FSTL4: variants seen among roughly 807,000 people sequenced by gnomAD.
The protein encoded by FSTL4 is follistatin-related protein 4.
FSTL4 carries 28 observed loss-of-function variants against 78.2 expected under a neutral mutation model. The observed-to-expected ratio is 0.36, with a 90% CI of 0.27 to 0.49. FSTL4 has a LOEUF of 0.49. Ranked by LOEUF, FSTL4 falls within the 20% of genes least tolerant of loss-of-function variation. The probability of loss-of-function intolerance (pLI) is 0.98; values close to 1 mark genes in which losing one functional copy is unlikely to be tolerated. For synonymous variants in FSTL4, 422 were observed against 440.5 expected, an observed-to-expected ratio of 0.96 and a Z score of 0.53; for missense variants, 922 against 1,084.9, an observed-to-expected ratio of 0.85 and a Z score of 2.11.
At chr5:133,606,723 T>A (rs1760986118) in intron 1 of FSTL4, among the ~76,000 whole-genome samples, 1 of 152,198 alleles carries the variant, frequency 6.6e-6, no homozygotes. Context: ...AGCAAGATAA[T>A]CCAAATCTAT....
At chr5:133,632,169 T>C in the FSTL4 span, among the ~76,000 whole-genome samples, 1 of 152,184 alleles carries the variant, frequency 6.6e-6, no homozygotes, top group African/African-American at 2.4e-5. Context: ...TTATATCATA[T>C]ATACATAACA....
intron 2 of FSTL4, among the ~76,000 whole-genome samples, chr5:133,603,387 G>C (rs1760910220): frequency 6.6e-6 from 1 of 152,252 alleles, no homozygotes. Context: ...GTTCATTAAA[G>C]CACTCTCCCT....
chr5:133,604,140 A>G lies in FSTL4; in HGVS notation c.-10-147T>C, dbSNP rs554625968. The G allele has an allele frequency of 4.8e-5, 29 of 607,028 alleles. No individual in the cohort carries two copies. In the South Asian group the frequency reaches 5.9e-4, roughly 12 times the overall value. 37.6% of individuals were successfully genotyped at this position (607,028 alleles called of 1,614,324 possible). A position where few individuals can be genotyped will look rare whatever the true frequency, so the allele number is the denominator to read the frequency against. On this transcript the variant is annotated intron_variant, in intron 1 of 15. Coordinates refer to ENST00000265342, the MANE Select transcript of FSTL4 (RefSeq NM_015082.2). The stretch of plus-strand genomic sequence containing the variant: ...TTCTGTTCTACCTTGGAGAGGTTAT[A>G]TTACTTCTGAGCCTTAGTTTACTTA...
intron 3 of FSTL4, among the ~76,000 whole-genome samples, chr5:133,538,101 A>AT (rs983414480): frequency 2.0e-5 from 3 of 146,638 alleles, no homozygotes; most frequent in African/African-American, 7.7e-5. Context: ...AATTATCCCA[A>AT]TAATGTCTTT....
chr5:133,839,696 C>G, the FSTL4 span, among the ~76,000 whole-genome samples: 1 of 152,202 alleles, frequency 6.6e-6, no homozygotes. Context: ...CTCAAATTGC[C>G]TTATGGGAGC....
At chr5:133,696,835 T>C in the FSTL4 span, among the ~76,000 whole-genome samples, 2 of 152,150 alleles carry the variant, frequency 1.3e-5, no homozygotes, top group Non-Finnish European at 2.9e-5. Flanking sequence ...CTTGTGTAGA[T>C]AGGGGTCTGA....
chr5:133,652,170 T>C, the FSTL4 span, among the ~76,000 whole-genome samples: 1 of 152,162 alleles, frequency 6.6e-6, no homozygotes, highest in Non-Finnish European at 1.5e-5. Flanking sequence ...TAGAGGCTTA[T>C]CACTTTCATT....
chr5:133,794,377 A>C, the FSTL4 span, among the ~76,000 whole-genome samples: 61 of 152,340 alleles, frequency 4.0e-4, no homozygotes, highest in African/African-American at 1.4e-3. Context: ...TCCCCAGGAA[A>C]TCAGCTCATT....
At chr5:133,437,689 C>T (rs1457605136) in intron 3 of FSTL4, among the ~76,000 whole-genome samples, 1 of 151,660 alleles carries the variant, frequency 6.6e-6, no homozygotes, top group Non-Finnish European at 1.5e-5. Flanking sequence ...CGGGGTTTCG[C>T]CATATTGGCC....
chr5:133,305,830 C>T (rs1753643453), intron 6 of FSTL4, among the ~76,000 whole-genome samples: 1 of 152,238 alleles, frequency 6.6e-6, no homozygotes, highest in South Asian at 2.1e-4. Flanking sequence ...TCAGGTTCCT[C>T]TGAAAGGCTC....
chr5:133,309,715 T>C (rs916885179), intron 6 of FSTL4, among the ~76,000 whole-genome samples: 3 of 152,192 alleles, frequency 2.0e-5, no homozygotes, highest in African/African-American at 7.2e-5. Flanking sequence ...TACAACTTCC[T>C]TCTCTGGGTA....
At chr5:133,606,340 G>A (rs1375185626) in intron 1 of FSTL4, among the ~76,000 whole-genome samples, 10 of 152,032 alleles carry the variant, frequency 6.6e-5, no homozygotes, top group Admixed American at 5.2e-4. Flanking sequence ...GGCTGGTCTC[G>A]AACTCCCAAC....
At chr5:133,303,076 G>C (rs1753583828) in intron 6 of FSTL4, among the ~76,000 whole-genome samples, 1 of 152,124 alleles carries the variant, frequency 6.6e-6, no homozygotes, top group Admixed American at 6.5e-5. Context: ...TTGTCCTTTT[G>C]TGCCTCCTGC....
the FSTL4 span, among the ~76,000 whole-genome samples, chr5:133,712,302 G>A: frequency 6.6e-6 from 1 of 152,210 alleles, no homozygotes; most frequent in African/African-American, 2.4e-5. Context: ...GACTGATATG[G>A]CAATTGTGGT....
chr5:133,584,935 G>T (rs1285790987), intron 2 of FSTL4, among the ~76,000 whole-genome samples: 1 of 34,640 alleles, frequency 2.9e-5, no homozygotes, highest in Non-Finnish European at 5.9e-5. Context: ...CGGATCTCTC[G>T]GCAGAAACCC....
intron 6 of FSTL4, among the ~76,000 whole-genome samples, chr5:133,268,474 G>A (rs1752692648): frequency 6.6e-6 from 1 of 152,164 alleles, no homozygotes; most frequent in Non-Finnish European, 1.5e-5. Context: ...GCACATTTGA[G>A]TTCCTGGGTG....
intron 6 of FSTL4, chr5:133,252,365 G>C (rs1561644425): frequency 6.6e-6 from 1 of 152,174 alleles, no homozygotes; most frequent in Non-Finnish European, 1.5e-5. Flanking sequence ...CGCTTCTCAG[G>C]TGCGGCTCCC....
At chr5:133,601,300 G>T (rs1263794783) in intron 2 of FSTL4, among the ~76,000 whole-genome samples, 1 of 152,154 alleles carries the variant, frequency 6.6e-6, no homozygotes, top group East Asian at 1.9e-4. Context: ...AAATTATTAG[G>T]CACTGTAAGG....
the FSTL4 span, among the ~76,000 whole-genome samples, chr5:133,747,865 TG>T: frequency 2.6e-5 from 4 of 152,170 alleles, no homozygotes; most frequent in Non-Finnish European, 4.4e-5. Flanking sequence ...CGGTGGGTGA[TG>T]GGTGGGGATC....
Sources: gnomAD v4.1 joint callset for allele counts (sites outside exome capture counted in the v4.1 genomes callset) on GRCh38, gnomAD v4.1.1 for gene constraint, MANE v1.5 for transcripts, NCBI Gene and HGNC (gene_info 2026-07-23, HGNC 2026-07-21) for gene names.